Variants in DMRTC1B observed in about 807,000 individuals in gnomAD.
DMRTC1B encodes the protein doublesex- and mab-3-related transcription factor C1.
chrX:72,840,172 A>G, intron 1 of DMRTC1B, among the ~76,000 whole-genome samples: 1 of 88,401 alleles, frequency 1.1e-5, no homozygotes, highest in African/African-American at 4.1e-5. Flanking sequence ...AAGCAAAGCA[A>G]AGCAAAGAGA....
At chrX:72,820,332 G>C (rs2054688241) in intron 1 of DMRTC1B, among the ~76,000 whole-genome samples, 1 of 62,315 alleles carries the variant, frequency 1.6e-5, no homozygotes, top group African/African-American at 6.0e-5. Context: ...TGTCAATTTT[G>C]TTGACTTCTT....
At chrX:72,794,769 AGTATACAC>A (rs2054626389) in intron 1 of DMRTC1B, among the ~76,000 whole-genome samples, 1 of 103,748 alleles carries the variant, frequency 9.6e-6, no homozygotes, top group African/African-American at 3.5e-5. Flanking sequence ...AAAATCTTGA[AGTATACAC>A]TACATTGGTA....
Position 72,817,876 on chromosome X carries a change from A to G in DMRTC1B, c.-94-27166A>G, listed in dbSNP as rs868907314. Among the ~76,000 whole-genome samples, 29 of 15,333 alleles carry G rather than the reference A, an allele frequency of 1.9e-3. 7 individuals are homozygous for G. Among genetic ancestry groups the G allele is most frequent in the African/African-American group, 2.4e-3 (26 of 10,828 alleles). 13.3% of individuals were successfully genotyped at this position (15,333 alleles called of 115,157 possible). A position where few individuals can be genotyped will look rare whatever the true frequency, so the allele number is the denominator to read the frequency against. ...GGCCTATAGTTTTCTGCGTGTGTGT[A>G]TGTGTGTGTGTGTGTGTGTGTGTGT... On this transcript the variant is annotated intron_variant, in intron 1 of 6. Coordinates refer to ENST00000334036, the MANE Select transcript of DMRTC1B (RefSeq NM_001386972.1).
intron 1 of DMRTC1B, among the ~76,000 whole-genome samples, chrX:72,840,211 AGC>A (rs2054729096): frequency 1.1e-5 from 1 of 93,442 alleles, no homozygotes. Context: ...AGCAAAGCAA[AGC>A]AAAGCAAAGC....
Position 72,807,670 on chromosome X carries a change from G to A in DMRTC1B, c.-95+30422G>A, listed in dbSNP as rs1195580696. On this transcript the variant is annotated intron_variant, in intron 1 of 6. Transcript: ENST00000334036. ...TCTTGGTGGAACAGGAAGGGGAGGC[G>A]GATGGGCTTGGTGGCGAGCCAGTGA... 48 of 531,119 alleles carry A rather than the reference G, an allele frequency of 9.0e-5. 2 individuals are homozygous for A. Among genetic ancestry groups the A allele is most frequent in the South Asian group, 3.0e-4 (8 of 27,091 alleles). The allele number at this position is 531,119 out of a possible 1,213,427, so 43.8% of individuals were successfully genotyped here.
chrX:72,807,505 G>T (rs1181361012), intron 1 of DMRTC1B: 2 of 596,005 alleles, frequency 3.4e-6, no homozygotes, highest in Non-Finnish European at 4.8e-6. Flanking sequence ...CATCAGAGGG[G>T]GCTCGGTCAC....
chrX:72,839,233 A>G (rs2054716812), intron 1 of DMRTC1B, among the ~76,000 whole-genome samples: 1 of 112,485 alleles, frequency 8.9e-6, no homozygotes, highest in Non-Finnish European at 1.9e-5. Context: ...ACGTCTTTCA[A>G]AAGGATATTA....
chrX:72,840,125 CAAA>C (rs200527014), intron 1 of DMRTC1B, among the ~76,000 whole-genome samples: 4 of 23,133 alleles, frequency 1.7e-4, no homozygotes, highest in African/African-American at 4.3e-4. Context: ...GAAACTCCGT[CAAA>C]AAAAAAAAAA....
At position 72,848,320 on chromosome X, in the gene DMRTC1B, C is replaced by T. The variant is rs782337751; in HGVS notation, c.524C>T (p.Ala175Val). 3.2e-5 allele frequency: 2 copies of T among 62,745 alleles called. 1 individual carries two copies. Among genetic ancestry groups the T allele is most frequent in the African/African-American group, 1.3e-4 (2 of 14,945 alleles). The allele number at this position is 62,745 out of a possible 1,213,427, so 5.2% of individuals were successfully genotyped here. The stretch of plus-strand genomic sequence containing the variant: ...AGCCCCTCTCTCCGCCCCAGGCCAG[C>T]CAGCTCCATCTCGCTGCCTATTGGA... Reference protein sequence around the residue: ...PPSPSLRPRPASSISLPIGHL... With the variant: ...PPSPSLRPRPVSSISLPIGHL... The change falls in exon 7 of 7, where the codon GCC becomes GTC. Residue 175 changes from alanine (A) to valine (V), a missense_variant. By Grantham distance (64) the Ala-to-Val change is moderately conservative. Transcript: ENST00000334036.
chrX:72,790,636 T>TGTGGCCTGCACCAG (rs2054614240), intron 1 of DMRTC1B, among the ~76,000 whole-genome samples: 1 of 114,153 alleles, frequency 8.8e-6, no homozygotes, highest in African/African-American at 3.2e-5. Flanking sequence ...CCTTGGACTG[T>TGTGGCCTGCACCAG]GCTATGTGGC....
At chrX:72,807,824 T>C in intron 1 of DMRTC1B, 1 of 382,845 alleles carries the variant, frequency 2.6e-6, no homozygotes, top group Non-Finnish European at 4.1e-6. Context: ...CCTGTGCCAC[T>C]GGATGGGTCC....
Position 72,804,365 on chromosome X carries a change from T to C in DMRTC1B, c.-95+27117T>C, listed in dbSNP as rs1454101020. Among the ~76,000 whole-genome samples the C allele has an allele frequency of 8.9e-5, 7 of 79,042 alleles. 2 individuals are homozygous for C. Among genetic ancestry groups the C allele is most frequent in the African/African-American group, 2.5e-4 (7 of 27,758 alleles). The allele number at this position is 79,042 out of a possible 115,157, so 68.6% of individuals were successfully genotyped here. A position where few individuals can be genotyped will look rare whatever the true frequency, so the allele number is the denominator to read the frequency against. On this transcript the variant is annotated intron_variant, in intron 1 of 6. Coordinates refer to ENST00000334036, the MANE Select transcript of DMRTC1B (RefSeq NM_001386972.1). Reference sequence around the variant, plus strand: ...CTGTTACCGGGGAACCCTGACTCCATGAATGTTTTAGCTTTGCTGCATGTG... The same window carrying C: ...CTGTTACCGGGGAACCCTGACTCCACGAATGTTTTAGCTTTGCTGCATGTG...
At chrX:72,820,336 ACTT>A (rs2054688298) in intron 1 of DMRTC1B, among the ~76,000 whole-genome samples, 1 of 60,707 alleles carries the variant, frequency 1.6e-5, no homozygotes, top group Admixed American at 2.1e-4. Context: ...AATTTTGTTG[ACTT>A]CTTCAAGGAA....
intron 1 of DMRTC1B, among the ~76,000 whole-genome samples, chrX:72,815,285 GA>G: frequency 4.2e-5 from 1 of 23,717 alleles, no homozygotes; most frequent in Middle Eastern, 0.01. Context: ...GAAACAGAGC[GA>G]GACTCCGTCT....
rs1360541733 is a variant in DMRTC1B at position 72,807,436 on chromosome X, G to A, written c.-95+30188G>A. On this transcript the variant is annotated intron_variant, in intron 1 of 6. Transcript: ENST00000334036. ...TGCCACAAAGCAAAAACAGTCAAGC[G>A]TGCCAGCATTTATTTCAGGCCCGGT... The A allele has an allele frequency of 1.9e-5, 7 of 367,183 alleles. 1 individual carries two copies. The highest frequency in any genetic ancestry group is 2.5e-5 in the Non-Finnish European group (6 of 235,773). The allele number at this position is 367,183 out of a possible 1,213,427, so 30.3% of individuals were successfully genotyped here.
intron 1 of DMRTC1B, among the ~76,000 whole-genome samples, chrX:72,839,197 C>T (rs2054716490): frequency 8.9e-6 from 1 of 112,169 alleles, no homozygotes; most frequent in Non-Finnish European, 1.9e-5. Context: ...GTGTACCATG[C>T]TTGACTGGAT....
chrX:72,804,884 A>G (rs1439757556), intron 1 of DMRTC1B, among the ~76,000 whole-genome samples: 1 of 104,040 alleles, frequency 9.6e-6, no homozygotes, highest in Non-Finnish European at 2.0e-5. Flanking sequence ...GGCACTGTCG[A>G]CTTTACTTTA....
At chrX:72,806,605 TC>T (rs782339280) in intron 1 of DMRTC1B, among the ~76,000 whole-genome samples, 876 of 22,879 alleles carry the variant, frequency 0.038, 43 homozygotes, top group African/African-American at 0.075. Context: ...TTTTTTTTTT[TC>T]CTCCCCTGGC....
rs1255367615 is a variant in DMRTC1B at position 72,832,659 on chromosome X, G to GGGGA, written c.-94-12379_-94-12376dup. On this transcript the variant is annotated intron_variant, in intron 1 of 6. Coordinates refer to ENST00000334036, the MANE Select transcript of DMRTC1B (RefSeq NM_001386972.1). Reference sequence around the variant, plus strand: ...GTGGTGGGGGTTGGGGAGGGCAGGAGGGGAGGGGGAGGGGGAGGGGGTGGG... The same window carrying GGGGA: ...GTGGTGGGGGTTGGGGAGGGCAGGAGGGGAGGGAGGGGGAGGGGGAGGGGGTGGG... Among the ~76,000 whole-genome samples the GGGGA allele has an allele frequency of 1.4e-4, 16 of 111,156 alleles. No homozygotes were observed. The East Asian group carries it at 4.6e-3, about 32-fold the overall frequency.
Sources: allele counts gnomAD v4.1 joint callset (sites outside exome capture counted in the v4.1 genomes callset), GRCh38; gene constraint gnomAD v4.1.1; transcripts MANE v1.5; gene names NCBI Gene and HGNC (gene_info 2026-07-23, HGNC 2026-07-21).